SCART1: variants seen among roughly 807,000 people sequenced by gnomAD.
The protein encoded by SCART1 is scavenger receptor family member expressed on T cells 1.
SCART1 carries 62 observed loss-of-function variants against 36.2 expected under a neutral mutation model. That is an observed-to-expected ratio of 1.71 (90% CI 1.40 to 2.12). The LOEUF is 2.12. SCART1 is among the 30% of genes most tolerant of loss of function. The pLI, the probability that SCART1 is intolerant of heterozygous loss-of-function variation, is 0.00. For missense variants in SCART1, 1,041 were observed against 540.5 expected, an observed-to-expected ratio of 1.93 and a Z score of -9.18; for synonymous variants, 487 against 238.7, an observed-to-expected ratio of 2.04 and a Z score of -9.59.
In SCART1 at chr10:133,466,498, T is replaced by C. The variant is rs758625271; in HGVS notation, c.2806+117T>C. On this transcript the variant is annotated intron_variant, in intron 10 of 11. Coordinates refer to ENST00000640237, the Ensembl canonical transcript of SCART1. ...GGGTGCCCCACAGCAGTCAGGCCTA[T>C]GCAGACCTACCCCCAAAGTCCAAGG... is the stretch of plus-strand genomic sequence containing the variant. 6 of 605,700 alleles carry C rather than the reference T, an allele frequency of 9.9e-6. No homozygotes were observed. In the African/African-American group the frequency reaches 1.1e-4, roughly 11 times the overall value. The allele number at this position is 605,700 out of a possible 1,614,324, so 37.5% of individuals were successfully genotyped here.
chr10:133,459,947 C>T (rs770490851), exon 6 of SCART1: 12 of 544,822 alleles, frequency 2.2e-5, no homozygotes, highest in African/African-American at 8.1e-5. Context: ...CCGTGTGTGA[C>T]GATGCCTGGG....
intron 6 of SCART1, among the ~76,000 whole-genome samples, chr10:133,463,146 A>G (rs993908228): frequency 2.6e-5 from 4 of 152,268 alleles, no homozygotes; most frequent in South Asian, 4.1e-4. Context: ...CTCCAAGGGT[A>G]ACATTGAACA....
At chr10:133,464,935 G>A (rs1213045073) in intron 7 of SCART1, 24 bp downstream of exon 7, 1 of 702,906 alleles carries the variant, frequency 1.4e-6, no homozygotes, top group East Asian at 2.7e-5. Context: ...GTGCAGGTGG[G>A]CATTAGAGGT....
intron 6 of SCART1, among the ~76,000 whole-genome samples, chr10:133,460,496 A>ATATATATATATATATTTTTTTTTTTTTT: frequency 7.4e-6 from 1 of 136,016 alleles, no homozygotes. Flanking sequence ...ATATTTATAT[A>ATATATATATATATATTTTTTTTTTTTTT]TTTTAAAAAA....
chr10:133,457,940 C>T, intron 3 of SCART1: 1 of 513,694 alleles, frequency 1.9e-6, no homozygotes, highest in East Asian at 3.6e-5. Flanking sequence ...CTGCACTGGC[C>T]TCACAGCTCC....
chr10:133,461,469 A>G lies in SCART1; in HGVS notation c.1969+1299A>G, dbSNP rs1479836526. Among the ~76,000 whole-genome samples the G allele has an allele frequency of 3.3e-5, 5 of 152,246 alleles. No individual in the cohort carries two copies. In the South Asian group the frequency reaches 8.3e-4, roughly 25 times the overall value. ...ATCTTGGATTATTACGTTTATTTCAATTACTGTGTTCTTTGTATGCAATGC... is the reference window on the plus strand; with the variant it reads ...ATCTTGGATTATTACGTTTATTTCAGTTACTGTGTTCTTTGTATGCAATGC... On this transcript the variant is annotated intron_variant, in intron 6 of 11. Transcript: ENST00000640237.
At chr10:133,460,007 C>T in exon 6 of SCART1, 2 of 527,736 alleles carry the variant, frequency 3.8e-6, no homozygotes, top group East Asian at 6.8e-5. Flanking sequence ...GTGGCCGCGC[C>T]CTGAGCGCCC....
intron 9 of SCART1, chr10:133,465,856 C>A: frequency 1.4e-6 from 1 of 692,190 alleles, no homozygotes; most frequent in Non-Finnish European, 2.6e-6. Context: ...TTGTTCCCTG[C>A]ACCTCATTCT....
intron 9 of SCART1, 189 bp from the exon 10 acceptor site, chr10:133,466,046 C>A: frequency 1.6e-6 from 1 of 640,530 alleles, no homozygotes; most frequent in Admixed American, 2.4e-5. Flanking sequence ...AGCAGACACC[C>A]CCAGTGGACA....
At chr10:133,460,488 A>ATATTTTT (rs1368181806) in intron 6 of SCART1, among the ~76,000 whole-genome samples, 2 of 142,084 alleles carry the variant, frequency 1.4e-5, no homozygotes, top group East Asian at 2.0e-4. Flanking sequence ...ATATATATAT[A>ATATTTTT]TTTATATATT....
Position 133,457,162 on chromosome 10 carries a change from G to T in SCART1, c.386-117G>T, listed in dbSNP as rs182573910. Reference sequence around the variant, plus strand: ...GCCCTGTGTGACTGCCCGGTCACCTGCCCCTGAAGCTGGCCCTGGCTCAGC... The same window carrying T: ...GCCCTGTGTGACTGCCCGGTCACCTTCCCCTGAAGCTGGCCCTGGCTCAGC... On this transcript the variant is annotated intron_variant, in intron 2 of 11. Transcript: ENST00000640237. The T allele has an allele frequency of 7.3e-5, 47 of 646,248 alleles. No homozygotes were observed. In the South Asian group the frequency reaches 7.7e-4, roughly 11 times the overall value. 40.0% of individuals were successfully genotyped at this position (646,248 alleles called of 1,614,324 possible).
chr10:133,465,838 A>T (rs768604245), intron 9 of SCART1: 1 of 695,190 alleles, frequency 1.4e-6, no homozygotes, highest in South Asian at 1.5e-5. Flanking sequence ...GGGTGTTGGC[A>T]GGTTCAGTTG....
chr10:133,460,496 A>ATATATATATATATATATATTTTTTTTTTT, intron 6 of SCART1, among the ~76,000 whole-genome samples: 4 of 136,010 alleles, frequency 2.9e-5, no homozygotes, highest in Non-Finnish European at 6.5e-5. Context: ...ATATTTATAT[A>ATATATATATATATATATATTTTTTTTTTT]TTTTAAAAAA....
chr10:133,461,618 A>G (rs1436643173), intron 6 of SCART1, among the ~76,000 whole-genome samples: 19 of 152,136 alleles, frequency 1.2e-4, no homozygotes. Flanking sequence ...GTTTCTGTCG[A>G]TTCTGCTCTT....
chr10:133,467,733 A>G (rs1323803360), intron 11 of SCART1, 114 bp from the exon 12 acceptor site: 1 of 548,778 alleles, frequency 1.8e-6, no homozygotes, highest in Admixed American at 3.1e-5. Context: ...GAACATTGCC[A>G]GGTGCTTTCT....
In SCART1 at chr10:133,461,787, T is replaced by G. The variant is rs1850704854; in HGVS notation, c.1969+1617T>G. Reference sequence around the variant, plus strand: ...TCTCAGTGAGAATGACAGGTCATTTTCTAGAACATTCTGCTGGTTTCTGTG... The same window carrying G: ...TCTCAGTGAGAATGACAGGTCATTTGCTAGAACATTCTGCTGGTTTCTGTG... On this transcript the variant is annotated intron_variant, in intron 6 of 11. Transcript: ENST00000640237. Among the ~76,000 whole-genome samples the G allele has an allele frequency of 2.6e-5, 4 of 152,250 alleles. No individual in the cohort carries two copies. In the South Asian group the frequency reaches 8.3e-4, roughly 31 times the overall value.
chr10:133,462,161 G>A (rs975852790), intron 6 of SCART1, among the ~76,000 whole-genome samples: 43 of 152,356 alleles, frequency 2.8e-4, no homozygotes, highest in Non-Finnish European at 4.6e-4. Context: ...CGTGTGGGCA[G>A]GTGGACAGGC....
chr10:133,459,241 A>G, exon 5 of SCART1: 1 of 691,952 alleles, frequency 1.4e-6, no homozygotes, highest in Non-Finnish European at 2.6e-6. Context: ...GTGAGGGGAC[A>G]GAGTCCTACT....
intron 6 of SCART1, chr10:133,464,399 G>C: frequency 2.0e-6 from 1 of 510,538 alleles, no homozygotes; most frequent in Non-Finnish European, 3.4e-6. Context: ...GTTTCTGCTG[G>C]GCTGATTTCA....
Sources: allele counts gnomAD v4.1 joint callset (sites outside exome capture counted in the v4.1 genomes callset), GRCh38; gene constraint gnomAD v4.1.1; transcripts MANE v1.5; gene names NCBI Gene and HGNC (gene_info 2026-07-23, HGNC 2026-07-21).